SPOCK3: variants seen among roughly 807,000 people sequenced by gnomAD.
SPOCK3 encodes the protein testican-3.
A neutral mutation model predicts 56.6 loss-of-function variants in SPOCK3; 30 were observed. The ratio of observed to expected loss-of-function variants is 0.53; its 90% confidence interval spans 0.40 to 0.72. The LOEUF is 0.72. Among genes scored for constraint, SPOCK3 ranks in the 30% least tolerant of loss-of-function variants. The pLI is 0.00. For missense variants in SPOCK3, 527 were observed against 530.0 expected (o/e 0.99, Z 0.06); for synonymous variants, 196 against 183.3 (o/e 1.07, Z -0.56).
chr4:167,014,387 T>C (rs1178619480), intron 3 of SPOCK3, among the ~76,000 whole-genome samples: 3 of 152,036 alleles, frequency 2.0e-5, no homozygotes, highest in African/African-American at 7.2e-5. Context: ...GGCTCATGCT[T>C]GCAATCCCAG....
At chr4:167,191,040 T>C (rs1163635553) in intron 2 of SPOCK3, among the ~76,000 whole-genome samples, 2 of 145,786 alleles carry the variant, frequency 1.4e-5, no homozygotes, top group African/African-American at 2.6e-5. Context: ...TTGTAGTATA[T>C]TTTGAAATCA....
intron 2 of SPOCK3, among the ~76,000 whole-genome samples, chr4:167,118,084 G>C (rs1243425582): frequency 6.6e-6 from 1 of 152,042 alleles, no homozygotes; most frequent in Non-Finnish European, 1.5e-5. Flanking sequence ...TATGAGCTCT[G>C]ATCTCCTGCT....
intron 2 of SPOCK3, among the ~76,000 whole-genome samples, chr4:167,097,514 T>C (rs971979453): frequency 6.6e-6 from 1 of 151,770 alleles, no homozygotes; most frequent in African/African-American, 2.4e-5. Context: ...ATGTGTGGAG[T>C]AGAAGCTATC....
chr4:166,952,693 G>C (rs947679970), intron 4 of SPOCK3, among the ~76,000 whole-genome samples: 2 of 152,100 alleles, frequency 1.3e-5, no homozygotes, highest in African/African-American at 4.8e-5. Flanking sequence ...ATACTACAAG[G>C]CTACAGTAAC....
chr4:166,935,353 C>T (rs142398281), intron 4 of SPOCK3, among the ~76,000 whole-genome samples: 245 of 152,240 alleles, frequency 1.6e-3, no homozygotes, highest in East Asian at 5.6e-3. Context: ...TGCAGTCCAA[C>T]GGGCGAAATG....
intron 6 of SPOCK3, among the ~76,000 whole-genome samples, chr4:166,873,564 C>A (rs753302333): frequency 1.3e-5 from 2 of 152,052 alleles, no homozygotes; most frequent in South Asian, 4.2e-4. Context: ...ACATAAACTG[C>A]GGCACAAATA....
chr4:166,941,537 G>T (rs1353017473), intron 4 of SPOCK3, among the ~76,000 whole-genome samples: 1 of 152,074 alleles, frequency 6.6e-6, no homozygotes, highest in Non-Finnish European at 1.5e-5. Context: ...AATATCTGTG[G>T]GTAGTTGGCC....
At chr4:167,122,327 A>T (rs1206777927) in intron 2 of SPOCK3, among the ~76,000 whole-genome samples, 2 of 151,856 alleles carry the variant, frequency 1.3e-5, no homozygotes, top group African/African-American at 4.8e-5. Context: ...CTAATTTTTG[A>T]TCTGTGGAGA....
At chr4:167,145,063 A>G (rs1328854212) in intron 2 of SPOCK3, among the ~76,000 whole-genome samples, 1 of 152,080 alleles carries the variant, frequency 6.6e-6, no homozygotes, top group Admixed American at 6.6e-5. Context: ...GAGATACATG[A>G]TAATATATCC....
chr4:167,195,972 T>C (rs1017804679), intron 2 of SPOCK3, among the ~76,000 whole-genome samples: 3 of 152,240 alleles, frequency 2.0e-5, no homozygotes, highest in African/African-American at 7.2e-5. Flanking sequence ...CTGATGTCAC[T>C]CTCAAAGAAA....
intron 6 of SPOCK3, among the ~76,000 whole-genome samples, chr4:166,811,233 C>T (rs9993957): frequency 6.7e-6 from 1 of 150,348 alleles, no homozygotes; most frequent in South Asian, 2.1e-4. Context: ...TGTCTTTATT[C>T]TTTTCTTTGT....
At chr4:167,207,658 A>G (rs538133946) in intron 2 of SPOCK3, among the ~76,000 whole-genome samples, 56 of 152,260 alleles carry the variant, frequency 3.7e-4, no homozygotes, top group African/African-American at 1.2e-3. Flanking sequence ...ATGTTAGACA[A>G]TTTTTGAATA....
chr4:166,791,528 A>G (rs922697498), intron 7 of SPOCK3, among the ~76,000 whole-genome samples: 7 of 152,212 alleles, frequency 4.6e-5, no homozygotes, highest in African/African-American at 1.4e-4. Flanking sequence ...CATGATAAAC[A>G]CATTTTTATA....
chr4:167,169,898 A>G (rs910545355), intron 2 of SPOCK3, among the ~76,000 whole-genome samples: 3 of 152,120 alleles, frequency 2.0e-5, no homozygotes, highest in Non-Finnish European at 4.4e-5. Flanking sequence ...TGATGGTTTT[A>G]TAAATGGGAG....
intron 7 of SPOCK3, among the ~76,000 whole-genome samples, chr4:166,763,528 T>C (rs889410166): frequency 6.6e-6 from 1 of 152,138 alleles, no homozygotes; most frequent in Non-Finnish European, 1.5e-5. Flanking sequence ...AAAACTTTTT[T>C]CCTTTCATTT....
At chr4:166,933,250 G>T (rs2150000705) in intron 4 of SPOCK3, among the ~76,000 whole-genome samples, 1 of 152,238 alleles carries the variant, frequency 6.6e-6, no homozygotes, top group Middle Eastern at 3.4e-3. Flanking sequence ...ATGATAAAAT[G>T]AAATAACCAA....
At chr4:166,943,221 A>G (rs1741315067) in intron 4 of SPOCK3, among the ~76,000 whole-genome samples, 1 of 152,138 alleles carries the variant, frequency 6.6e-6, no homozygotes, top group South Asian at 2.1e-4. Flanking sequence ...AAGTTTCTAA[A>G]CAAATTCCAA....
At chr4:166,836,228 A>G (rs1330359300) in intron 6 of SPOCK3, among the ~76,000 whole-genome samples, 1 of 152,154 alleles carries the variant, frequency 6.6e-6, no homozygotes, top group Admixed American at 6.5e-5. Context: ...ACCCCTTCTC[A>G]GTCTTTTGAG....
intron 7 of SPOCK3, among the ~76,000 whole-genome samples, chr4:166,764,423 G>A (rs1417657229): frequency 1.3e-5 from 2 of 151,912 alleles, no homozygotes; most frequent in Non-Finnish European, 2.9e-5. Flanking sequence ...TCCCACCTAT[G>A]AGTGAGAACA....
Sources: gnomAD v4.1 joint callset for allele counts (sites outside exome capture counted in the v4.1 genomes callset) on GRCh38, gnomAD v4.1.1 for gene constraint, MANE v1.5 for transcripts, NCBI Gene and HGNC (gene_info 2026-07-23, HGNC 2026-07-21) for gene names.